The following AXDND1 variants were observed in gnomAD, a reference collection of about 807,000 sequenced individuals.
AXDND1 encodes axonemal dynein light chain domain-containing protein 1.
A neutral mutation model predicts 137.5 loss-of-function variants in AXDND1; 110 were observed. The observed-to-expected ratio is 0.80, with a 90% CI of 0.69 to 0.94. The LOEUF (loss-of-function observed/expected upper bound fraction) is 0.94. AXDND1 is among the 40% of genes least tolerant of loss of function. AXDND1 has a pLI of 0.00. For missense variants in AXDND1, 1,191 were observed against 1,169.8 expected (o/e 1.02, Z -0.26); for synonymous variants, 414 against 399.7 (o/e 1.04, Z -0.43).
Position 179,426,103 on chromosome 1 carries a change from G to A in AXDND1, c.1231-3415G>A, listed in dbSNP as rs376618572. ...GCCTGCCTCGACCTCCCAAAGTGCTGGGATTATAGGACTGAGCCACTGCGC... is the reference window on the plus strand; with the variant it reads ...GCCTGCCTCGACCTCCCAAAGTGCTAGGATTATAGGACTGAGCCACTGCGC... On this transcript the variant is annotated intron_variant, in intron 12 of 25. Transcript: ENST00000367618. Among the ~76,000 whole-genome samples the A allele has an allele frequency of 3.8e-3, 582 of 152,172 alleles. 4 individuals carry two copies. The highest frequency in any genetic ancestry group is 0.013 in the African/African-American group (546 of 41,508).
At chr1:179,530,454 G>A (rs1037891117) in intron 23 of AXDND1, among the ~76,000 whole-genome samples, 7 of 152,264 alleles carry the variant, frequency 4.6e-5, no homozygotes, top group African/African-American at 1.4e-4. Context: ...CTGGTATGCC[G>A]TCCAGGCTAG....
In AXDND1 at chr1:179,551,383, G is replaced by A. The variant is rs1229820034; in HGVS notation, c.3032-3129G>A. ...ATCGAAGCTGAACGGCAGCAGGGGTGCCTGACAGAATCTCAGCTGCCATCC... is the reference window on the plus strand; with the variant it reads ...ATCGAAGCTGAACGGCAGCAGGGGTACCTGACAGAATCTCAGCTGCCATCC... On this transcript the variant is annotated intron_variant, in intron 25 of 25. Coordinates refer to ENST00000367618, the MANE Select transcript of AXDND1 (RefSeq NM_144696.6). 6.2e-7 allele frequency: 1 copy of A among 1,614,094 alleles called. No homozygotes were observed. The highest frequency in any genetic ancestry group is 8.5e-7 in the Non-Finnish European group (1 of 1,179,984).
At chr1:179,380,126 G>A (rs1648003938) in intron 6 of AXDND1, among the ~76,000 whole-genome samples, 1 of 152,034 alleles carries the variant, frequency 6.6e-6, no homozygotes, top group Non-Finnish European at 1.5e-5. Context: ...GTGGGTGCCT[G>A]TAGTCCCAGC....
chr1:179,453,916 A>G (rs1157215504), intron 16 of AXDND1: 2 of 152,012 alleles, frequency 1.3e-5, no homozygotes, highest in East Asian at 1.9e-4. Context: ...TATTTACCCA[A>G]TGCCTGTACC....
chr1:179,481,955 C>T (rs1452042515), intron 17 of AXDND1, among the ~76,000 whole-genome samples: 1 of 152,144 alleles, frequency 6.6e-6, no homozygotes, highest in African/African-American at 2.4e-5. Context: ...AGTTAGCCTA[C>T]AGTTTAACCT....
chr1:179,519,469 T>C (rs1669857736), intron 21 of AXDND1, among the ~76,000 whole-genome samples: 1 of 152,222 alleles, frequency 6.6e-6, no homozygotes. Flanking sequence ...CCCGTTTCTA[T>C]GTCCAGAATG....
At chr1:179,458,599 A>G (rs866457336) in intron 16 of AXDND1, among the ~76,000 whole-genome samples, 13 of 152,094 alleles carry the variant, frequency 8.5e-5, no homozygotes, top group South Asian at 4.1e-4. Flanking sequence ...GCGATTCAAC[A>G]TTAGGAAATT....
At chr1:179,452,870 A>G (rs1245353933) in intron 16 of AXDND1, 2 of 151,620 alleles carry the variant, frequency 1.3e-5, no homozygotes, top group Non-Finnish European at 2.9e-5. Flanking sequence ...CCTTCCCATC[A>G]TAAGCCTGGA....
intron 12 of AXDND1, among the ~76,000 whole-genome samples, chr1:179,421,763 C>T (rs111880031): frequency 0.046 from 7,026 of 151,970 alleles, 235 homozygotes; most frequent in Non-Finnish European, 0.069. Flanking sequence ...TTCAGCTGGG[C>T]GCAGTGGCTC....
intron 21 of AXDND1, among the ~76,000 whole-genome samples, chr1:179,510,996 G>A (rs1209103748): frequency 1.3e-5 from 2 of 149,956 alleles, no homozygotes; most frequent in African/African-American, 2.5e-5. Flanking sequence ...AACATATGGT[G>A]TTTCGTTTTC....
chr1:179,552,403 A>G, intron 25 of AXDND1: 1 of 622,812 alleles, frequency 1.6e-6, no homozygotes, highest in Admixed American at 2.3e-5. Flanking sequence ...TATTATCAGT[A>G]GCTTCAGAGA....
At chr1:179,382,777 A>G (rs1431136046) in intron 7 of AXDND1, 21 bp downstream of exon 7, 2 of 1,561,288 alleles carry the variant, frequency 1.3e-6, no homozygotes, top group African/African-American at 2.7e-5. Flanking sequence ...TTTATTTTCT[A>G]AAGTCTTTCT....
intron 11 of AXDND1, among the ~76,000 whole-genome samples, chr1:179,397,604 A>G (rs553736698): frequency 6.6e-6 from 1 of 152,306 alleles, no homozygotes; most frequent in South Asian, 2.1e-4. Flanking sequence ...CACTCACCCT[A>G]TCTCTTTCAG....
intron 16 of AXDND1, among the ~76,000 whole-genome samples, chr1:179,463,675 G>A (rs1012766450): frequency 6.6e-6 from 1 of 152,146 alleles, no homozygotes; most frequent in Non-Finnish European, 1.5e-5. Context: ...GGATATCCTT[G>A]TTAACTTTCT....
At chr1:179,460,337 C>T (rs1165487639) in intron 16 of AXDND1, among the ~76,000 whole-genome samples, 1 of 152,116 alleles carries the variant, frequency 6.6e-6, no homozygotes, top group African/African-American at 2.4e-5. Context: ...ATGATGGTTT[C>T]CAGCTTCATC....
chr1:179,477,607 A>G (rs1044688634), intron 17 of AXDND1, among the ~76,000 whole-genome samples: 22 of 152,130 alleles, frequency 1.4e-4, no homozygotes, highest in African/African-American at 5.1e-4. Context: ...TCCTGCCACA[A>G]CATGAGGGAA....
At position 179,373,183 on chromosome 1, in the gene AXDND1, A is replaced by G. The variant is rs560657886; in HGVS notation, c.374+3105A>G. 3.3e-5 allele frequency among the ~76,000 whole-genome samples: 5 copies of G among 152,288 alleles called. No homozygotes were observed. The South Asian group carries it at 1.0e-3, about 32-fold the overall frequency. On this transcript the variant is annotated intron_variant, in intron 4 of 25. Transcript: ENST00000367618. ...CCCAGTACTTTAATAATGTATAGAAATACAAAAGGCTCCTCCAAATCATGA... is the reference window on the plus strand; with the variant it reads ...CCCAGTACTTTAATAATGTATAGAAGTACAAAAGGCTCCTCCAAATCATGA...
At chr1:179,479,385 G>A (rs1310705341) in intron 17 of AXDND1, among the ~76,000 whole-genome samples, 1 of 150,732 alleles carries the variant, frequency 6.6e-6, no homozygotes, top group Non-Finnish European at 1.5e-5. Context: ...TGAGGCAGGA[G>A]AATCTCTTGA....
Position 179,468,635 on chromosome 1 carries a change from C to T in AXDND1, c.1991C>T (p.Ser664Phe), listed in dbSNP as rs1009271405. The change falls in exon 17 of 26, where the codon TCT (serine) becomes TTT (phenylalanine). Residue 664 changes from serine to phenylalanine, a missense_variant. By Grantham distance (155) the Ser-to-Phe change is radical (BLOSUM62 -2). Transcript: ENST00000367618. ...GTTCCACAGCACATAGATGTGGATTCTGTTTCGTAAGTTCCCATAGGTTTC... is the reference window on the plus strand; with the variant it reads ...GTTCCACAGCACATAGATGTGGATTTTGTTTCGTAAGTTCCCATAGGTTTC... ...GIVPQHIDVD[S>F]VSVLQAYIFN... 1 of 1,593,150 alleles carries T rather than the reference C, an allele frequency of 6.3e-7. No homozygotes were observed. The highest frequency in any genetic ancestry group is 8.5e-7 in the Non-Finnish European group (1 of 1,172,290).
Sources: allele counts gnomAD v4.1 joint callset (sites outside exome capture counted in the v4.1 genomes callset), GRCh38; gene constraint gnomAD v4.1.1; transcripts MANE v1.5; gene names NCBI Gene and HGNC (gene_info 2026-07-23, HGNC 2026-07-21).